TNPO1: variants seen among roughly 807,000 people sequenced by gnomAD.
TNPO1 encodes the protein transportin-1.
TNPO1 carries 8 observed loss-of-function variants against 119.5 expected under a neutral mutation model. That is an observed-to-expected ratio of 0.07 (90% CI 0.04 to 0.12). The LOEUF (loss-of-function observed/expected upper bound fraction) is 0.12. Ranked by LOEUF, TNPO1 falls within the 10% of genes least tolerant of loss-of-function variation. The probability of loss-of-function intolerance (pLI) is 1.00; values close to 1 mark genes in which losing one functional copy is unlikely to be tolerated. For missense variants in TNPO1, 576 were observed against 1,089.8 expected (o/e 0.53, Z 6.64); for synonymous variants, 362 against 363.0 (o/e 1.00, Z 0.03).
At chr5:72,866,279 A>T (rs1201520669) in intron 6 of TNPO1, among the ~76,000 whole-genome samples, 1 of 152,154 alleles carries the variant, frequency 6.6e-6, no homozygotes, top group Non-Finnish European at 1.5e-5. Flanking sequence ...CCCACTTATA[A>T]GTGAGAACAT....
intron 2 of TNPO1, among the ~76,000 whole-genome samples, chr5:72,848,775 C>G (rs991030425): frequency 1.4e-5 from 2 of 147,954 alleles, no homozygotes; most frequent in South Asian, 4.1e-4. Context: ...GGCCCCCGGC[C>G]GCCGCCCGGG....
chr5:72,897,279 G>A lies in TNPO1; in HGVS notation c.2338+128G>A, dbSNP rs943799871. ...TATTTTGTATTTAATTGCTATTTCG[G>A]ATTTTCAGTAATGAAATAGACTGTT... On this transcript the variant is annotated intron_variant, in intron 20 of 24. Coordinates refer to ENST00000337273, the MANE Select transcript of TNPO1 (RefSeq NM_002270.4). The A allele has an allele frequency of 1.3e-5, 8 of 605,570 alleles. No individual in the cohort carries two copies. In the East Asian group the frequency reaches 2.4e-4, roughly 18 times the overall value. The allele number at this position is 605,570 out of a possible 1,614,324, so 37.5% of individuals were successfully genotyped here. A position where few individuals can be genotyped will look rare whatever the true frequency, so the allele number is the denominator to read the frequency against.
chr5:72,860,217 A>T lies in TNPO1; in HGVS notation c.356-1591A>T, dbSNP rs1746326554. 2.6e-5 allele frequency among the ~76,000 whole-genome samples: 4 copies of T among 152,200 alleles called. No individual in the cohort carries two copies. In the South Asian group the frequency reaches 8.3e-4, roughly 32 times the overall value. ...GTTCAGTGATAGTCATTGAGTGTTT[A>T]CTAGATGCCAGGCATTTTCTATATA... On this transcript the variant is annotated intron_variant, in intron 4 of 24. Transcript: ENST00000337273.
chr5:72,883,096 T>C lies in TNPO1; in HGVS notation c.1014T>C (p.Asp338=), dbSNP rs1280594024. The change falls in exon 11 of 25, where the codon GAT becomes GAC. Residue 338 remains aspartate (D), a synonymous_variant. Transcript: ENST00000337273. ...GDVEEDETIP[D]SEQDIRPRFH... ...TTGAAGAAGACGAAACGATTCCTGA[T>C]AGTGAACAGGATATACGGCCACGTT... The C allele has an allele frequency of 3.1e-6, 5 of 1,613,492 alleles. No homozygotes were observed. The highest frequency in any genetic ancestry group is 4.2e-6 in the Non-Finnish European group (5 of 1,179,888).
Position 72,877,233 on chromosome 5 carries a change from G to C in TNPO1, c.807G>C (p.Met269Ile), listed in dbSNP as rs951868355. ...TAAGGATATTGTGTTTCCAGTACAT[G>C]CTACAGAGGACTCAAGATCAAGATG... ...LPHMHNIVEY[M>I]LQRTQDQDEN... Residue 269 changes from methionine to isoleucine, a missense_variant, in exon 9 of 25, where the codon ATG becomes ATC. This residue lies in a region of TNPO1 where 310 missense variants were observed against 583.0 expected (regional missense o/e 0.53). Coordinates refer to ENST00000337273, the MANE Select transcript of TNPO1 (RefSeq NM_002270.4). 1.9e-6 allele frequency: 3 copies of C among 1,596,554 alleles called. No homozygotes were observed. In the African/African-American group the frequency reaches 4.0e-5, roughly 21 times the overall value.
chr5:72,889,711 C>A, intron 13 of TNPO1, 75 bp from the exon 14 acceptor site: 1 of 1,468,308 alleles, frequency 6.8e-7, no homozygotes, highest in South Asian at 1.5e-5. Flanking sequence ...TAAAACAGAA[C>A]ATAAACATTT....
At chr5:72,872,265 A>G (rs755027322) in intron 6 of TNPO1, among the ~76,000 whole-genome samples, 11 of 152,180 alleles carry the variant, frequency 7.2e-5, no homozygotes, top group Non-Finnish European at 1.6e-4. Context: ...GCCAGAACAC[A>G]TGGACTATTC....
chr5:72,836,711 T>A (rs1453131472), intron 1 of TNPO1, among the ~76,000 whole-genome samples: 1 of 152,228 alleles, frequency 6.6e-6, no homozygotes, highest in Non-Finnish European at 1.5e-5. Context: ...AAATTCCATC[T>A]TTAATTTGTT....
chr5:72,867,603 G>C (rs375712355), intron 6 of TNPO1, among the ~76,000 whole-genome samples: 2 of 152,106 alleles, frequency 1.3e-5, no homozygotes, highest in African/African-American at 4.8e-5. Flanking sequence ...AATAACATAA[G>C]CAATCAGATC....
At chr5:72,897,755 C>T (rs921648386) in intron 20 of TNPO1, among the ~76,000 whole-genome samples, 6 of 151,554 alleles carry the variant, frequency 4.0e-5, no homozygotes, top group Non-Finnish European at 5.9e-5. Flanking sequence ...TTCTTTCTAC[C>T]CTCCCTGATT....
chr5:72,883,988 G>A (rs942565222), intron 11 of TNPO1, among the ~76,000 whole-genome samples: 1 of 151,810 alleles, frequency 6.6e-6, no homozygotes, highest in South Asian at 2.1e-4. Flanking sequence ...GGGCTCAAGC[G>A]ATCCACCCGC....
chr5:72,889,760 T>G (rs1358329141), intron 13 of TNPO1, 26 bp from the exon 14 acceptor site: 1 of 1,555,828 alleles, frequency 6.4e-7, no homozygotes, highest in Non-Finnish European at 8.7e-7. Flanking sequence ...AGTCAATAAG[T>G]ATTCTTTTTT....
intron 15 of TNPO1, among the ~76,000 whole-genome samples, chr5:72,892,318 A>G (rs1237702015): frequency 3.3e-5 from 5 of 151,922 alleles, no homozygotes; most frequent in South Asian, 2.1e-4. Context: ...GCAAACTTTT[A>G]TATGATGTTC....
In TNPO1 at chr5:72,909,475, T is replaced by A. The variant is rs1462119488; in HGVS notation, c.*802T>A. Reference sequence around the variant, plus strand: ...CATTAATGTAGCGGATATAATTTGATGATTATACTTCATTAGATTTAATTT... The same window carrying A: ...CATTAATGTAGCGGATATAATTTGAAGATTATACTTCATTAGATTTAATTT... On this transcript the variant is annotated 3_prime_UTR_variant, in exon 25 of 25. Transcript: ENST00000337273. 1 of 152,168 alleles carries A rather than the reference T, an allele frequency of 6.6e-6. No homozygotes were observed. The highest frequency in any genetic ancestry group is 1.5e-5 in the Non-Finnish European group (1 of 68,028). The allele number at this position is 152,168 out of a possible 1,614,324, so 9.4% of individuals were successfully genotyped here.
At chr5:72,893,079 C>A in intron 15 of TNPO1, 60 bp from the exon 16 acceptor site, 1 of 1,308,726 alleles carries the variant, frequency 7.6e-7, no homozygotes, top group Non-Finnish European at 1.1e-6. Context: ...CAGTTTCAAG[C>A]ATTCATCATA....
chr5:72,896,967 A>C lies in TNPO1; in HGVS notation c.2243-89A>C, dbSNP rs576658265. 65 of 632,720 alleles carry C rather than the reference A, an allele frequency of 1.0e-4. No homozygotes were observed. The East Asian group carries it at 1.9e-3, about 18-fold the overall frequency. 39.2% of individuals were successfully genotyped at this position (632,720 alleles called of 1,614,324 possible). On this transcript the variant is annotated intron_variant, in intron 19 of 24. Transcript: ENST00000337273. ...TTTCTATATTTATATGACATGTCAG[A>C]GTTAATACGGGAAGCAAAATATTTC... is the stretch of plus-strand genomic sequence containing the variant.
Position 72,883,246 on chromosome 5 carries a change from G to C in TNPO1, c.1150+14G>C. The C allele has an allele frequency of 7.8e-7, 1 of 1,283,998 alleles. No homozygotes were observed. Among genetic ancestry groups the C allele is most frequent in the South Asian group, 1.2e-5 (1 of 83,764 alleles). 79.5% of individuals were successfully genotyped at this position (1,283,998 alleles called of 1,614,324 possible). The stretch of plus-strand genomic sequence containing the variant: ...ACTGGAATCTAAGTAAGTCAGAAAG[G>C]GAAAAGCACAGTTGCCTACTTTGAT... On this transcript the variant is annotated intron_variant, in intron 11 of 24. Transcript: ENST00000337273.
intron 10 of TNPO1, among the ~76,000 whole-genome samples, chr5:72,882,852 G>A (rs527687991): frequency 6.6e-6 from 1 of 152,160 alleles, no homozygotes; most frequent in East Asian, 1.9e-4. Flanking sequence ...TGGCTGAAAG[G>A]GCCGTATAAC....
Position 72,865,749 on chromosome 5 carries a change from TA to T in TNPO1, c.596+22del. The T allele has an allele frequency of 6.2e-7, 1 of 1,604,046 alleles. No homozygotes were observed. Among genetic ancestry groups the T allele is most frequent in the Non-Finnish European group, 8.5e-7 (1 of 1,176,140 alleles). On this transcript the variant is annotated intron_variant, in intron 6 of 24. Coordinates refer to ENST00000337273, the MANE Select transcript of TNPO1 (RefSeq NM_002270.4). ...AATAAGGTACTTATATTGCCAGTAC[TA>T]ATTGATTAACTGTGATATAAACCTG... is the stretch of plus-strand genomic sequence containing the variant.
Sources: allele counts gnomAD v4.1 joint callset (sites outside exome capture counted in the v4.1 genomes callset), GRCh38; gene constraint gnomAD v4.1.1; regional missense constraint gnomAD v4.1.1; transcripts MANE v1.5; gene names NCBI Gene and HGNC (gene_info 2026-07-23, HGNC 2026-07-21).